PCDHGA9: variants seen among roughly 807,000 people sequenced by gnomAD.
The protein encoded by PCDHGA9 is protocadherin gamma subfamily A, 9.
Under a neutral mutation model 62.5 loss-of-function variants are expected in PCDHGA9, and 37 were observed. The observed-to-expected ratio is 0.59, with a 90% CI of 0.46 to 0.78. The LOEUF is 0.78. Ranked by LOEUF, PCDHGA9 falls within the 30% of genes least tolerant of loss-of-function variation. The pLI, the probability that PCDHGA9 is intolerant of heterozygous loss-of-function variation, is 0.00. For synonymous variants in PCDHGA9, 459 were observed against 484.6 expected (o/e 0.95, Z 0.69); for missense variants, 1,138 against 1,166.2 (o/e 0.98, Z 0.35).
At chr5:141,408,055 C>CCGG in intron 1 of PCDHGA9, 1 of 1,299,130 alleles carries the variant, frequency 7.7e-7, no homozygotes, top group South Asian at 1.6e-5. Flanking sequence ...ACAGAGCCTC[C>CCGG]CGGCTGCGCA....
chr5:141,415,380 C>G (rs759710024), intron 1 of PCDHGA9: 1 of 1,614,250 alleles, frequency 6.2e-7, no homozygotes, highest in South Asian at 1.1e-5. Flanking sequence ...CAGGAGGCGG[C>G]TTGACAGGTG....
intron 1 of PCDHGA9, chr5:141,419,226 C>T (rs560904796): frequency 1.9e-6 from 3 of 1,614,006 alleles, no homozygotes; most frequent in East Asian, 2.2e-5. Context: ...GGACAGTCAG[C>T]CTACCTGGTC....
rs1340590903 is a variant in PCDHGA9, at chr5:141,432,842, G to A, written c.2424+27466G>A. On this transcript the variant is annotated intron_variant, in intron 1 of 3. Coordinates refer to ENST00000573521, the MANE Select transcript of PCDHGA9 (RefSeq NM_018921.3). This position sits in a 1 kb window ranked among gnomAD's most constrained non-coding sequence, Gnocchi z 6.0. ...CTCAGACCTCACTCTGTACCTGGTG[G>A]TAGCGGTGGCCGCGGTCTCCTGCGT... 5 of 1,614,192 alleles carry A rather than the reference G, an allele frequency of 3.1e-6. No individual in the cohort carries two copies. The South Asian group carries it at 4.4e-5, about 14-fold the overall frequency.
intron 2 of PCDHGA9, among the ~76,000 whole-genome samples, chr5:141,495,175 C>A (rs1337353259): frequency 6.6e-6 from 1 of 152,300 alleles, no homozygotes; most frequent in Middle Eastern, 3.4e-3. Flanking sequence ...TGGGTGAAAG[C>A]GAGGCTTTCT....
chr5:141,410,180 C>G (rs776702898), intron 1 of PCDHGA9: 43 of 1,613,802 alleles, frequency 2.7e-5, no homozygotes, highest in Non-Finnish European at 3.4e-5. Context: ...CACCGCCACG[C>G]TTCATCTGGT....
At chr5:141,481,346 C>T (rs2099536003) in intron 1 of PCDHGA9, among the ~76,000 whole-genome samples, 1 of 152,248 alleles carries the variant, frequency 6.6e-6, no homozygotes, top group Non-Finnish European at 1.5e-5. Context: ...ATTATTTAAA[C>T]ATCTACAGCT....
chr5:141,408,384 T>C, intron 1 of PCDHGA9: 2 of 1,614,014 alleles, frequency 1.2e-6, no homozygotes, highest in Non-Finnish European at 1.7e-6. Flanking sequence ...GTCCTGGATG[T>C]GTCGGCTCGC....
chr5:141,439,066 G>A (rs1004595196), intron 1 of PCDHGA9, among the ~76,000 whole-genome samples: 2 of 151,258 alleles, frequency 1.3e-5, no homozygotes, highest in African/African-American at 2.4e-5. Context: ...TGTGGCAGGC[G>A]CCTGTAATCC....
At position 141,431,556 on chromosome 5, in the gene PCDHGA9, C is replaced by G. The variant is rs1561853752; in HGVS notation, c.2424+26180C>G. ...GGCACGCAGCTGCTTGTAGTCAACGCTACCGACCCTGACGAAGGAGTCAAT... is the reference window on the plus strand; with the variant it reads ...GGCACGCAGCTGCTTGTAGTCAACGGTACCGACCCTGACGAAGGAGTCAAT... On this transcript the variant is annotated intron_variant, in intron 1 of 3. Transcript: ENST00000573521. The surrounding 1 kb of genome is among the most constrained non-coding windows in gnomAD (Gnocchi z 4.8). 3 of 1,614,138 alleles carry G rather than the reference C, an allele frequency of 1.9e-6. No individual in the cohort carries two copies. The highest frequency in any genetic ancestry group is 2.5e-6 in the Non-Finnish European group (3 of 1,180,022).
At chr5:141,465,266 C>G (rs2099099623) in intron 1 of PCDHGA9, among the ~76,000 whole-genome samples, 1 of 152,096 alleles carries the variant, frequency 6.6e-6, no homozygotes, top group South Asian at 2.1e-4. Flanking sequence ...ATGATACTAG[C>G]CATTTAGTTC....
intron 3 of PCDHGA9, among the ~76,000 whole-genome samples, chr5:141,506,011 C>T (rs1209221520): frequency 6.6e-6 from 1 of 152,204 alleles, no homozygotes; most frequent in Non-Finnish European, 1.5e-5. Flanking sequence ...TCCTCTTTTG[C>T]TGCCCCTAAC....
chr5:141,497,312 G>A (rs940721317), intron 2 of PCDHGA9, among the ~76,000 whole-genome samples: 7 of 152,038 alleles, frequency 4.6e-5, no homozygotes, highest in African/African-American at 1.7e-4. Flanking sequence ...CCATACACTG[G>A]CTTTGAAGCA....
In PCDHGA9 at chr5:141,485,974, A is replaced by G. The variant is rs755735500; in HGVS notation, c.2425-8833A>G. 1.9e-6 allele frequency: 3 copies of G among 1,614,108 alleles called. No homozygotes were observed. The highest frequency in any genetic ancestry group is 1.7e-5 in the Admixed American group (1 of 60,014). On this transcript the variant is annotated intron_variant, in intron 1 of 3. Coordinates refer to ENST00000573521, the MANE Select transcript of PCDHGA9 (RefSeq NM_018921.3). This position sits in a 1 kb window ranked among gnomAD's most constrained non-coding sequence, Gnocchi z 5.7. ...TGGTGCTCATCCAGCTCAATGCCTC[A>G]GACCCGGACCTGGGTCCCAGTGGTA...
In PCDHGA9 at chr5:141,431,159, C is replaced by A. The variant is rs1017606383; in HGVS notation, c.2424+25783C>A. On this transcript the variant is annotated intron_variant, in intron 1 of 3. Coordinates refer to ENST00000573521, the MANE Select transcript of PCDHGA9 (RefSeq NM_018921.3). The surrounding 1 kb of genome is among the most constrained non-coding windows in gnomAD (Gnocchi z 4.8). The stretch of plus-strand genomic sequence containing the variant: ...CATTAACGACAATGCGCCTTACTTT[C>A]GTGAAAGTGAATTAGAAATAAAAAT... The A allele has an allele frequency of 6.2e-7, 1 of 1,614,158 alleles. No homozygotes were observed. The highest frequency in any genetic ancestry group is 1.3e-5 in the African/African-American group (1 of 75,046).
intron 1 of PCDHGA9, chr5:141,426,585 T>C (rs2096944493): frequency 2.8e-6 from 1 of 358,848 alleles, no homozygotes; most frequent in African/African-American, 2.1e-5. Flanking sequence ...CAAAATCCTC[T>C]GTGTCATACC....
chr5:141,491,659 G>A lies in PCDHGA9; in HGVS notation c.2425-3148G>A. On this transcript the variant is annotated intron_variant, in intron 1 of 3. Transcript: ENST00000573521. This position sits in a 1 kb window ranked among gnomAD's most constrained non-coding sequence, Gnocchi z 6.9. ...CACAGCTCTGGCGCTGGAGCCTGACGCCATCCGGTCCCGCTCTAATACGCT... is the reference window on the plus strand; with the variant it reads ...CACAGCTCTGGCGCTGGAGCCTGACACCATCCGGTCCCGCTCTAATACGCT... 6.2e-7 allele frequency: 1 copy of A among 1,613,766 alleles called. No homozygotes were observed. The highest frequency in any genetic ancestry group is 8.5e-7 in the Non-Finnish European group (1 of 1,180,004).
At chr5:141,433,853 A>G (rs934981508) in intron 1 of PCDHGA9, among the ~76,000 whole-genome samples, 1 of 152,026 alleles carries the variant, frequency 6.6e-6, no homozygotes, top group Non-Finnish European at 1.5e-5. Flanking sequence ...AAAAAAAAAA[A>G]AACTTTATCC....
rs976135607 is a variant in PCDHGA9 at position 141,489,115 on chromosome 5, C to A, written c.2425-5692C>A. ...CTAAGAACTGCTGCAAGCAGGCAAA[C>A]CTCCGAGCAGTTTTTAAGAGGCTGG... On this transcript the variant is annotated intron_variant, in intron 1 of 3. Coordinates refer to ENST00000573521, the MANE Select transcript of PCDHGA9 (RefSeq NM_018921.3). This position sits in a 1 kb window ranked among gnomAD's most constrained non-coding sequence, Gnocchi z 4.5. 7.3e-5 allele frequency: 37 copies of A among 506,794 alleles called. No homozygotes were observed. Among genetic ancestry groups the A allele is most frequent in the Non-Finnish European group, 1.2e-4 (35 of 298,604 alleles). 31.4% of individuals were successfully genotyped at this position (506,794 alleles called of 1,614,324 possible).
At chr5:141,478,620 G>A (rs1400703951) in intron 1 of PCDHGA9, 2 of 1,555,472 alleles carry the variant, frequency 1.3e-6, no homozygotes, top group East Asian at 2.4e-5. Context: ...AAGGAATGGA[G>A]CTGTTTTTTT....
Sources: gnomAD v4.1 joint callset for allele counts (sites outside exome capture counted in the v4.1 genomes callset) on GRCh38, gnomAD v4.1.1 for gene constraint, Gnocchi (gnomAD v3.1) non-coding constraint, MANE v1.5 for transcripts, NCBI Gene and HGNC (gene_info 2026-07-23, HGNC 2026-07-21) for gene names.